The following CFTR variants were observed in gnomAD, a reference collection of about 807,000 sequenced individuals.
CFTR encodes the protein CF transmembrane conductance regulator.
In CFTR, 181 loss-of-function variants were observed where a neutral mutation model predicts 171.6. The observed-to-expected ratio is 1.05, with a 90% CI of 0.93 to 1.19. The LOEUF (loss-of-function observed/expected upper bound fraction) is 1.19. CFTR is among the 50% of genes most tolerant of loss of function. The pLI, the probability that CFTR is intolerant of heterozygous loss-of-function variation, is 0.00. For synonymous variants in CFTR, 583 were observed against 608.0 expected (o/e 0.96, Z 0.60); for missense variants, 1,968 against 1,734.7 (o/e 1.13, Z -2.39).
intron 11 of CFTR, among the ~76,000 whole-genome samples, chr7:117,573,021 G>GT (rs1791717291): frequency 6.6e-6 from 1 of 150,730 alleles, no homozygotes; most frequent in Admixed American, 6.6e-5. Flanking sequence ...ACCATTAAAT[G>GT]TAACACTCCA....
At chr7:117,633,135 C>T (rs1792775591) in intron 22 of CFTR, among the ~76,000 whole-genome samples, 6 of 152,050 alleles carry the variant, frequency 3.9e-5, no homozygotes, top group Admixed American at 3.9e-4. Flanking sequence ...GTTGAAGCTT[C>T]CTATTCATCA....
At chr7:117,517,132 A>T (rs1021149090) in intron 3 of CFTR, among the ~76,000 whole-genome samples, 1 of 151,930 alleles carries the variant, frequency 6.6e-6, no homozygotes, top group African/African-American at 2.4e-5. Flanking sequence ...CTAGATGGCG[A>T]TTGCAATGGC....
intron 22 of CFTR, among the ~76,000 whole-genome samples, chr7:117,630,091 T>C (rs1393505257): frequency 6.6e-6 from 1 of 152,216 alleles, no homozygotes; most frequent in East Asian, 1.9e-4. Flanking sequence ...CTGAGGCAGA[T>C]TTATTGTGGC....
Position 117,509,093 on chromosome 7 carries a change from G to T in CFTR, c.224G>T (p.Arg75Leu), listed in dbSNP as rs1800076. 1.3e-5 allele frequency: 21 copies of T among 1,612,264 alleles called. No homozygotes were observed. The highest frequency in any genetic ancestry group is 8.0e-5 in the African/African-American group (6 of 74,886). ...KNPKLINALRRCFFWRFMFYG... is the reference protein window; with the variant it reads ...KNPKLINALRLCFFWRFMFYG... ...CCTAAACTCATTAATGCCCTTCGGCGATGTTTTTTCTGGAGATTTATGTTC... is the reference window on the plus strand; with the variant it reads ...CCTAAACTCATTAATGCCCTTCGGCTATGTTTTTTCTGGAGATTTATGTTC... Residue 75 changes from arginine to leucine, a missense_variant, in exon 3 of 27, where the codon CGA (arginine) becomes CTA (leucine). Transcript: ENST00000003084.
Position 117,573,503 on chromosome 7 carries a change from A to G in CFTR, c.1584+13848A>G, listed in dbSNP as rs1160972395. Among the ~76,000 whole-genome samples, 3 of 152,156 alleles carry G rather than the reference A, an allele frequency of 2.0e-5. No individual in the cohort carries two copies. The East Asian group carries it at 5.8e-4, about 29-fold the overall frequency. On this transcript the variant is annotated intron_variant, in intron 11 of 26. Transcript: ENST00000003084. ...AGATGAGTAGCTCAAACATTAGTAC[A>G]CATAGTAATCACAGGTCAAAATGCA...
At chr7:117,502,181 C>A (rs773882751) in intron 1 of CFTR, among the ~76,000 whole-genome samples, 13 of 152,200 alleles carry the variant, frequency 8.5e-5, no homozygotes, top group Non-Finnish European at 1.5e-4. Context: ...AGCTGTCTGT[C>A]TAGCACAACC....
chr7:117,587,589 A>G (rs1051188214), intron 11 of CFTR, 150 bp from the exon 12 acceptor site: 61 of 560,762 alleles, frequency 1.1e-4, no homozygotes, highest in African/African-American at 9.6e-4. Context: ...AATAAATTGC[A>G]TTTGAAATAA....
chr7:117,533,293 A>C lies in CFTR; in HGVS notation c.490-983A>C, dbSNP rs1798892736. Among the ~76,000 whole-genome samples, 4 of 152,094 alleles carry C rather than the reference A, an allele frequency of 2.6e-5. No homozygotes were observed. In the South Asian group the frequency reaches 8.3e-4, roughly 31 times the overall value. On this transcript the variant is annotated intron_variant, in intron 4 of 26. Coordinates refer to ENST00000003084, the MANE Select transcript of CFTR (RefSeq NM_000492.4). ...TTCCTTCTTTTCTCTGCTTGTCTATACACTATTTATTATTCTACACCATCT... is the reference window on the plus strand; with the variant it reads ...TTCCTTCTTTTCTCTGCTTGTCTATCCACTATTTATTATTCTACACCATCT...
intron 11 of CFTR, among the ~76,000 whole-genome samples, chr7:117,577,509 T>A (rs1372722135): frequency 1.3e-5 from 2 of 152,124 alleles, no homozygotes; most frequent in African/African-American, 4.8e-5. Flanking sequence ...AATTTTGCAG[T>A]CATGGGATAT....
chr7:117,644,498 A>G (rs974403486), intron 23 of CFTR, among the ~76,000 whole-genome samples: 1 of 152,058 alleles, frequency 6.6e-6, no homozygotes, highest in Admixed American at 6.6e-5. Flanking sequence ...CTTCCTTCCA[A>G]CTCCGAGACT....
intron 11 of CFTR, among the ~76,000 whole-genome samples, chr7:117,585,193 T>C (rs2116010564): frequency 6.6e-6 from 1 of 152,128 alleles, no homozygotes; most frequent in East Asian, 1.9e-4. Context: ...CTTTTTCTCC[T>C]CTGCACACAT....
chr7:117,539,995 AG>A (rs1214140334), intron 7 of CFTR, 104 bp from the exon 8 acceptor site: 1 of 951,962 alleles, frequency 1.1e-6, no homozygotes, highest in African/African-American at 1.6e-5. Context: ...TTAAAAATAT[AG>A]GCAGAAAGAC....
At chr7:117,649,881 C>T (rs535143153) in intron 23 of CFTR, among the ~76,000 whole-genome samples, 1 of 152,038 alleles carries the variant, frequency 6.6e-6, no homozygotes, top group East Asian at 1.9e-4. Flanking sequence ...GAAAGATACC[C>T]CTGAGGAAGT....
Position 117,602,812 on chromosome 7 carries a change from T to G in CFTR, c.2620-14T>G. On this transcript the variant is annotated splice_polypyrimidine_tract_variant and intron_variant, in intron 15 of 26. Transcript: ENST00000003084. ...TGTTAGAAAAAAAATCAACTGTGTC[T>G]TGTTCCATTCCAGGTGGCTGCTTCT... is the stretch of plus-strand genomic sequence containing the variant. The G allele has an allele frequency of 5.6e-6, 9 of 1,613,456 alleles. No individual in the cohort carries two copies. Among genetic ancestry groups the G allele is most frequent in the Non-Finnish European group, 6.8e-6 (8 of 1,179,360 alleles).
intron 21 of CFTR, among the ~76,000 whole-genome samples, chr7:117,622,923 T>C (rs1792604070): frequency 6.6e-6 from 1 of 152,202 alleles, no homozygotes; most frequent in Non-Finnish European, 1.5e-5. Context: ...TTGTCAAGAC[T>C]GTCATAATTC....
intron 20 of CFTR, among the ~76,000 whole-genome samples, chr7:117,612,021 A>ATT (rs1197151233): frequency 1.9e-5 from 1 of 52,400 alleles, no homozygotes; most frequent in Non-Finnish European, 3.8e-5. Flanking sequence ...ATATATATAT[A>ATT]TGTATATATA....
chr7:117,597,727 A>G (rs1210360851), intron 15 of CFTR, among the ~76,000 whole-genome samples: 1 of 151,874 alleles, frequency 6.6e-6, no homozygotes, highest in African/African-American at 2.4e-5. Flanking sequence ...TTCAAATCAC[A>G]CACTTGCTTA....
At chr7:117,544,994 G>C (rs1799115480) in intron 9 of CFTR, among the ~76,000 whole-genome samples, 1 of 152,204 alleles carries the variant, frequency 6.6e-6, no homozygotes, top group Non-Finnish European at 1.5e-5. Context: ...CCCCACCTAG[G>C]CCTCTGTGTT....
chr7:117,537,529 T>C (rs1442996839), intron 7 of CFTR, among the ~76,000 whole-genome samples: 1 of 152,094 alleles, frequency 6.6e-6, no homozygotes. Context: ...GGGAAAAATA[T>C]ACTAAAAAGA....
Sources: allele counts gnomAD v4.1 joint callset (sites outside exome capture counted in the v4.1 genomes callset), GRCh38; gene constraint gnomAD v4.1.1; transcripts MANE v1.5; gene names NCBI Gene and HGNC (gene_info 2026-07-23, HGNC 2026-07-21).